CACNA2D1: variants seen among roughly 807,000 people sequenced by gnomAD.
The protein encoded by CACNA2D1 is calcium voltage-gated channel auxiliary subunit alpha2delta 1.
In CACNA2D1, 53 loss-of-function variants were observed where a neutral mutation model predicts 171.5. That is an observed-to-expected ratio of 0.31 (90% CI 0.25 to 0.39). The LOEUF is 0.39. Ranked by LOEUF, CACNA2D1 falls within the 10% of genes least tolerant of loss-of-function variation. The pLI is 1.00. For synonymous variants in CACNA2D1, 442 were observed against 443.1 expected, an observed-to-expected ratio of 1.00 and a Z score of 0.03; for missense variants, 903 against 1,299.8, an observed-to-expected ratio of 0.69 and a Z score of 4.69.
At chr7:82,062,132 T>C (rs1190496788) in intron 9 of CACNA2D1, among the ~76,000 whole-genome samples, 2 of 152,294 alleles carry the variant, frequency 1.3e-5, no homozygotes, top group East Asian at 1.9e-4. Context: ...GGAAGGGCTA[T>C]TATCATTTAA....
chr7:82,267,742 C>A (rs1248848102), intron 3 of CACNA2D1, among the ~76,000 whole-genome samples: 2 of 152,168 alleles, frequency 1.3e-5, no homozygotes, highest in African/African-American at 4.8e-5. Flanking sequence ...CTCCTGTAAT[C>A]CCAGCACTTT....
intron 3 of CACNA2D1, among the ~76,000 whole-genome samples, chr7:82,313,048 C>T (rs931881858): frequency 1.3e-5 from 2 of 152,118 alleles, no homozygotes; most frequent in African/African-American, 2.4e-5. Context: ...TGCAATGCAA[C>T]GTCCTAGAAT....
At chr7:82,399,020 C>G (rs1347955190) in intron 1 of CACNA2D1, among the ~76,000 whole-genome samples, 4 of 152,018 alleles carry the variant, frequency 2.6e-5, no homozygotes, top group Non-Finnish European at 5.9e-5. Flanking sequence ...AGAGAACCTT[C>G]TACATTTGAA....
intron 3 of CACNA2D1, among the ~76,000 whole-genome samples, chr7:82,273,519 A>G (rs1056004336): frequency 3.3e-5 from 5 of 151,950 alleles, no homozygotes; most frequent in African/African-American, 9.7e-5. Flanking sequence ...GGATCTTGCT[A>G]TGTTGCCTGG....
chr7:82,161,159 T>A (rs1360855996), intron 4 of CACNA2D1, among the ~76,000 whole-genome samples: 1 of 151,914 alleles, frequency 6.6e-6, no homozygotes, highest in Non-Finnish European at 1.5e-5. Context: ...GCAAGACCTG[T>A]TTGTTGAGAT....
chr7:82,039,348 T>C (rs903879459), intron 10 of CACNA2D1, among the ~76,000 whole-genome samples: 1 of 152,324 alleles, frequency 6.6e-6, no homozygotes. Context: ...AGCAGCCTAT[T>C]ATATGCCAAG....
intron 1 of CACNA2D1, among the ~76,000 whole-genome samples, chr7:82,369,920 T>A (rs1004814426): frequency 6.6e-6 from 1 of 152,120 alleles, no homozygotes; most frequent in South Asian, 2.1e-4. Flanking sequence ...CAACTTGTAA[T>A]GTAATCCTGT....
intron 3 of CACNA2D1, among the ~76,000 whole-genome samples, chr7:82,276,920 T>C (rs1809420623): frequency 6.6e-6 from 1 of 151,894 alleles, no homozygotes; most frequent in African/African-American, 2.4e-5. Context: ...AGCTAATTTT[T>C]GTATTTTTAG....
chr7:82,001,194 T>C (rs1200703142), intron 18 of CACNA2D1, among the ~76,000 whole-genome samples: 1 of 152,150 alleles, frequency 6.6e-6, no homozygotes, highest in Non-Finnish European at 1.5e-5. Context: ...CATTTTTAAT[T>C]AGCTAAGGGA....
rs773515716 is a variant in CACNA2D1, at chr7:82,038,194, A to G, written c.921T>C (p.Leu307=). 4 of 1,613,640 alleles carry G rather than the reference A, an allele frequency of 2.5e-6. No homozygotes were observed. The East Asian group carries it at 8.9e-5, about 36-fold the overall frequency. ...NAQDVSCFQH[L]VQANVRNKKV... is the part of the protein sequence containing the mutation. ...TTTTATTTCTTACATTTGCTTGGAC[A>G]AGGTGCTGAAAACAGCTTACATCCT... Residue 307 remains leucine (L), a synonymous_variant, in exon 11 of 39, where the codon CTT becomes CTC. Transcript: ENST00000356860.
At chr7:82,348,060 T>C (rs905412675) in intron 2 of CACNA2D1, among the ~76,000 whole-genome samples, 1 of 152,184 alleles carries the variant, frequency 6.6e-6, no homozygotes, top group African/African-American at 2.4e-5. Context: ...GTAAGGGAGA[T>C]GCTCCCAAGA....
intron 3 of CACNA2D1, among the ~76,000 whole-genome samples, chr7:82,297,072 C>CAAAAAAAAAA (rs57473351): frequency 0.022 from 1,567 of 72,106 alleles, 177 homozygotes; most frequent in African/African-American, 0.081. Context: ...CTGTGTCTAC[C>CAAAAAAAAAA]AAAAAAAAAA....
intron 10 of CACNA2D1, among the ~76,000 whole-genome samples, chr7:82,052,992 C>T (rs907772835): frequency 6.6e-6 from 1 of 152,112 alleles, no homozygotes; most frequent in African/African-American, 2.4e-5. Context: ...AATTAAATGG[C>T]CTGTAATCCC....
intron 3 of CACNA2D1, among the ~76,000 whole-genome samples, chr7:82,279,054 C>T (rs1396886861): frequency 6.6e-6 from 1 of 152,166 alleles, no homozygotes; most frequent in East Asian, 1.9e-4. Flanking sequence ...TCCAAGGAAG[C>T]TATGCAGAAA....
At chr7:82,221,044 G>A (rs1801708407) in intron 3 of CACNA2D1, among the ~76,000 whole-genome samples, 1 of 152,106 alleles carries the variant, frequency 6.6e-6, no homozygotes, top group African/African-American at 2.4e-5. Flanking sequence ...CCAAAGTGCT[G>A]AGATTACAGG....
intron 3 of CACNA2D1, among the ~76,000 whole-genome samples, chr7:82,172,640 T>TTTTTTTTTTTTCTTC (rs1491222972): frequency 1.3e-5 from 1 of 77,278 alleles, no homozygotes; most frequent in African/African-American, 5.0e-5. Context: ...TTTTTTTTTT[T>TTTTTTTTTTTTCTTC]GGTAAAGATG....
chr7:82,103,316 A>G (rs1281589865), intron 6 of CACNA2D1, among the ~76,000 whole-genome samples: 1 of 152,268 alleles, frequency 6.6e-6, no homozygotes, highest in East Asian at 1.9e-4. Context: ...GAATAATCTA[A>G]CAAAAAAACA....
chr7:82,186,189 A>AAGGGAGGGAGGG (rs539998713), intron 3 of CACNA2D1, among the ~76,000 whole-genome samples: 82 of 102,432 alleles, frequency 8.0e-4, no homozygotes, highest in Admixed American at 1.9e-3. Flanking sequence ...GGAAGGAAGG[A>AAGGGAGGGAGGG]AGGGAGGGAG....
chr7:82,307,537 T>A (rs1813898046), intron 3 of CACNA2D1, among the ~76,000 whole-genome samples: 1 of 150,840 alleles, frequency 6.6e-6, no homozygotes, highest in African/African-American at 2.4e-5. Flanking sequence ...TATAAATTTA[T>A]AATTCTTATA....
Sources: gnomAD v4.1 joint callset for allele counts (sites outside exome capture counted in the v4.1 genomes callset) on GRCh38, gnomAD v4.1.1 for gene constraint, MANE v1.5 for transcripts, NCBI Gene and HGNC (gene_info 2026-07-23, HGNC 2026-07-21) for gene names.